Variants in JADE1 observed in about 807,000 individuals in gnomAD.
The protein encoded by JADE1 is protein Jade-1.
In JADE1, 14 loss-of-function variants were observed where a neutral mutation model predicts 81.8. That is an observed-to-expected ratio of 0.17 (90% CI 0.11 to 0.27). The LOEUF (loss-of-function observed/expected upper bound fraction) is 0.27, where lower values mean the gene tolerates loss of function less well. Ranked by LOEUF, JADE1 falls within the 10% of genes least tolerant of loss-of-function variation. The pLI is 1.00. For synonymous variants in JADE1, 353 were observed against 391.9 expected (o/e 0.90, Z 1.17); for missense variants, 690 against 1,047.9 (o/e 0.66, Z 4.71).
chr4:128,834,836 A>G (rs996017844), intron 2 of JADE1, among the ~76,000 whole-genome samples: 76 of 151,976 alleles, frequency 5.0e-4, no homozygotes, highest in African/African-American at 1.7e-3. Context: ...CGCCTGGCCA[A>G]ATATTTCATC....
chr4:128,853,619 C>T (rs1024607868), intron 6 of JADE1, among the ~76,000 whole-genome samples: 8 of 152,158 alleles, frequency 5.3e-5, no homozygotes, highest in East Asian at 1.9e-4. Flanking sequence ...GGGACATGTG[C>T]CCACGTATAT....
chr4:128,846,109 A>T lies in JADE1; in HGVS notation c.139-266A>T, dbSNP rs568069211. On this transcript the variant is annotated intron_variant, in intron 3 of 10. Transcript: ENST00000226319. This position sits in a 1 kb window ranked among gnomAD's most constrained non-coding sequence, Gnocchi z 4.0. ...AGACATTTTTCAGAGGCGGACAACA[A>T]GATTTTTTGTTGTTTTTGTTGACGT... Among the ~76,000 whole-genome samples, 1 of 152,166 alleles carries T rather than the reference A, an allele frequency of 6.6e-6. No individual in the cohort carries two copies. The highest frequency in any genetic ancestry group is 1.9e-4 in the East Asian group (1 of 5,158).
At chr4:128,812,817 C>T (rs1482345487) in intron 1 of JADE1, among the ~76,000 whole-genome samples, 1 of 152,254 alleles carries the variant, frequency 6.6e-6, no homozygotes, top group Non-Finnish European at 1.5e-5. Context: ...GGCTGTCGCC[C>T]TCTATTTGCC....
rs1732248745 is a variant in JADE1, at chr4:128,872,205, C to T, written c.2472C>T (p.Thr824=). 2.5e-6 allele frequency: 4 copies of T among 1,614,032 alleles called. No individual in the cohort carries two copies. Among genetic ancestry groups the T allele is most frequent in the Non-Finnish European group, 3.4e-6 (4 of 1,180,010 alleles). Residue 824 remains threonine (T), a synonymous_variant, in exon 11 of 11, where the codon ACC becomes ACT. Transcript: ENST00000226319. ...SEASEKKCIH[T]SSTISRRTDI... ...CATCAGAAAAGAAATGTATACACACCAGCAGCACTATCAGCAGAAGGACAG... is the reference window on the plus strand; with the variant it reads ...CATCAGAAAAGAAATGTATACACACTAGCAGCACTATCAGCAGAAGGACAG...
At chr4:128,851,663 T>C (rs1730366570) in intron 5 of JADE1, among the ~76,000 whole-genome samples, 1 of 152,072 alleles carries the variant, frequency 6.6e-6, no homozygotes, top group African/African-American at 2.4e-5. Flanking sequence ...GATGCATCGA[T>C]GGGTTGATTG....
At chr4:128,818,673 C>T (rs1727269908) in intron 1 of JADE1, among the ~76,000 whole-genome samples, 1 of 152,074 alleles carries the variant, frequency 6.6e-6, no homozygotes, top group African/African-American at 2.4e-5. Context: ...TGCAGTTGTG[C>T]CAGAGCAACC....
chr4:128,859,628 C>T (rs903146670), intron 8 of JADE1, among the ~76,000 whole-genome samples: 1 of 152,118 alleles, frequency 6.6e-6, no homozygotes, highest in Non-Finnish European at 1.5e-5. Flanking sequence ...TGCACGTGTG[C>T]ACTGGCAGGA....
At chr4:128,863,146 C>A (rs1731499906) in intron 9 of JADE1, 1 of 985,576 alleles carries the variant, frequency 1.0e-6, no homozygotes, top group Non-Finnish European at 1.2e-6. Flanking sequence ...CCCCCACTTT[C>A]CATCACCTCT....
chr4:128,861,446 C>T (rs1162255946), intron 8 of JADE1, among the ~76,000 whole-genome samples: 1 of 152,242 alleles, frequency 6.6e-6, no homozygotes, highest in African/African-American at 2.4e-5. Context: ...GGGCGGATCT[C>T]TTTTGCCCAA....
intron 1 of JADE1, among the ~76,000 whole-genome samples, chr4:128,813,538 C>T (rs944192306): frequency 5.9e-5 from 9 of 151,760 alleles, no homozygotes; most frequent in African/African-American, 2.2e-4. Flanking sequence ...CCTGCCTCAG[C>T]CCCCTGAGTA....
At chr4:128,856,421 AC>A (rs1335481485) in intron 7 of JADE1, among the ~76,000 whole-genome samples, 2 of 152,122 alleles carry the variant, frequency 1.3e-5, no homozygotes, top group African/African-American at 4.8e-5. Context: ...TCAGGAGCAG[AC>A]CTGTAGCACT....
At chr4:128,863,796 C>T (rs1454372939) in intron 9 of JADE1, 5 of 985,258 alleles carry the variant, frequency 5.1e-6, no homozygotes, top group African/African-American at 1.7e-5. Context: ...TATGCCAGCC[C>T]GACACCTGCT....
At chr4:128,863,922 T>C in intron 9 of JADE1, 1 of 985,372 alleles carries the variant, frequency 1.0e-6, no homozygotes. Flanking sequence ...GTGTAGAAAA[T>C]GCTTGTGGTG....
chr4:128,850,634 C>T (rs1277003747), intron 5 of JADE1, among the ~76,000 whole-genome samples: 4 of 152,168 alleles, frequency 2.6e-5, no homozygotes, highest in Non-Finnish European at 5.9e-5. Flanking sequence ...CAGGAGTTCT[C>T]AGAGATCTTT....
At chr4:128,814,594 T>A (rs1418389882) in intron 1 of JADE1, among the ~76,000 whole-genome samples, 1 of 150,758 alleles carries the variant, frequency 6.6e-6, no homozygotes, top group Non-Finnish European at 1.5e-5. Context: ...GAGATGAAGT[T>A]TTGCTCATGT....
At position 128,871,230 on chromosome 4, in the gene JADE1, G is replaced by A; in HGVS notation, c.1622-125G>A. ...AAACCAAATTTGTACAAACTTGGTG[G>A]TGTAAGTGTTGTGTTGTTGGGTGGG... On this transcript the variant is annotated intron_variant, in intron 10 of 10. Coordinates refer to ENST00000226319, the MANE Select transcript of JADE1 (RefSeq NM_199320.4). The surrounding 1 kb of genome is among the most constrained non-coding windows in gnomAD (Gnocchi z 4.1). The A allele has an allele frequency of 1.1e-6, 1 of 906,730 alleles. No homozygotes were observed. Among genetic ancestry groups the A allele is most frequent in the Non-Finnish European group, 1.7e-6 (1 of 595,012 alleles). The allele number at this position is 906,730 out of a possible 1,614,324, so 56.2% of individuals were successfully genotyped here. A position where few individuals can be genotyped will look rare whatever the true frequency, so the allele number is the denominator to read the frequency against.
At chr4:128,814,134 C>A (rs79420380) in intron 1 of JADE1, among the ~76,000 whole-genome samples, 3,669 of 151,948 alleles carry the variant, frequency 0.024, 122 homozygotes, top group African/African-American at 0.075. Context: ...ATTAGTTATC[C>A]AGGTTGAAAG....
At chr4:128,814,567 CTTT>C (rs376501164) in intron 1 of JADE1, among the ~76,000 whole-genome samples, 5 of 135,198 alleles carry the variant, frequency 3.7e-5, no homozygotes, top group South Asian at 2.4e-4. Context: ...AGGATTTTTT[CTTT>C]TTTTTTTTTT....
At chr4:128,868,058 A>G in intron 10 of JADE1, 85 bp downstream of exon 10, 3 of 671,662 alleles carry the variant, frequency 4.5e-6, no homozygotes, top group Non-Finnish European at 7.7e-6. Flanking sequence ...ATCATTTCTT[A>G]ATTTTCTTAT....
Sources: gnomAD v4.1 joint callset for allele counts (sites outside exome capture counted in the v4.1 genomes callset) on GRCh38, gnomAD v4.1.1 for gene constraint, Gnocchi (gnomAD v3.1) non-coding constraint, MANE v1.5 for transcripts, NCBI Gene and HGNC (gene_info 2026-07-23, HGNC 2026-07-21) for gene names.